Variants in DOCK8 observed in about 807,000 individuals in gnomAD.
The protein encoded by DOCK8 is dedicator of cytokinesis protein 8.
DOCK8 carries 141 observed loss-of-function variants against 245.6 expected under a neutral mutation model. The ratio of observed to expected loss-of-function variants is 0.57; its 90% confidence interval spans 0.50 to 0.66. The LOEUF is 0.66. DOCK8 is among the 30% of genes least tolerant of loss of function. The pLI, the probability that DOCK8 is intolerant of heterozygous loss-of-function variation, is 0.00. For synonymous variants in DOCK8, 1,168 were observed against 970.2 expected, an observed-to-expected ratio of 1.20 and a Z score of -3.79; for missense variants, 2,965 against 2,603.4, an observed-to-expected ratio of 1.14 and a Z score of -3.02.
chr9:415,018 G>T, intron 29 of DOCK8, 67 bp downstream of exon 29: 1 of 1,580,504 alleles, frequency 6.3e-7, no homozygotes, highest in Non-Finnish European at 8.7e-7. Context: ...ATCCGAATGA[G>T]ATCTCTGTCA....
At chr9:451,971 ATATATATTTT>A (rs1207999132) in intron 45 of DOCK8, 30 bp from the exon 46 acceptor site, 12 of 401,352 alleles carry the variant, frequency 3.0e-5, no homozygotes, top group East Asian at 1.3e-4. Flanking sequence ...ATATATATAT[ATATATATTTT>A]TTTTTTTTTT....
intron 1 of DOCK8, among the ~76,000 whole-genome samples, chr9:236,168 C>T (rs992889862): frequency 3.9e-5 from 6 of 152,172 alleles, no homozygotes; most frequent in Non-Finnish European, 8.8e-5. Context: ...GTCCCACCAA[C>T]CTTAGTGTGT....
chr9:349,771 A>G (rs2052069427), intron 14 of DOCK8, among the ~76,000 whole-genome samples: 1 of 152,190 alleles, frequency 6.6e-6, no homozygotes, highest in Admixed American at 6.5e-5. Flanking sequence ...TAATGTCCTT[A>G]AAGGTAATAT....
chr9:283,629 A>G (rs531373299), intron 2 of DOCK8, among the ~76,000 whole-genome samples: 4 of 152,272 alleles, frequency 2.6e-5, no homozygotes, highest in South Asian at 4.1e-4. Flanking sequence ...CCACTTCTAA[A>G]TGAAAACATG....
chr9:280,019 T>G (rs547491687), intron 2 of DOCK8, among the ~76,000 whole-genome samples: 1 of 152,358 alleles, frequency 6.6e-6, no homozygotes, highest in South Asian at 2.1e-4. Flanking sequence ...CTATGTAGAT[T>G]AATTTTCAAC....
intron 26 of DOCK8, among the ~76,000 whole-genome samples, chr9:400,619 A>C (rs1480066320): frequency 5.3e-5 from 3 of 56,104 alleles, no homozygotes; most frequent in Non-Finnish European, 5.6e-5. Flanking sequence ...CACCACCTCC[A>C]CCACCATCAC....
chr9:288,740 C>T (rs1040065992), intron 3 of DOCK8, among the ~76,000 whole-genome samples: 20 of 152,062 alleles, frequency 1.3e-4, no homozygotes, highest in Non-Finnish European at 1.5e-4. Context: ...TAGCTATAAG[C>T]GATGAAGCTG....
chr9:370,132 A>G, intron 15 of DOCK8, 98 bp from the exon 16 acceptor site: 1 of 1,038,364 alleles, frequency 9.6e-7, no homozygotes, highest in Middle Eastern at 2.0e-4. Flanking sequence ...TACAAAATGC[A>G]GCTCTATGAG....
At chr9:400,986 C>G (rs1206715799) in intron 26 of DOCK8, among the ~76,000 whole-genome samples, 56 of 118,110 alleles carry the variant, frequency 4.7e-4, no homozygotes, top group Non-Finnish European at 7.9e-4. Context: ...ATCACCACCT[C>G]CTCCACCACC....
intron 30 of DOCK8, among the ~76,000 whole-genome samples, chr9:419,758 T>C (rs1464073228): frequency 6.6e-6 from 1 of 152,188 alleles, no homozygotes; most frequent in African/African-American, 2.4e-5. Flanking sequence ...CACTTTAAAA[T>C]GAATACTTGT....
At chr9:229,829 C>A (rs1016668793) in intron 1 of DOCK8, among the ~76,000 whole-genome samples, 17 of 151,990 alleles carry the variant, frequency 1.1e-4, no homozygotes, top group Non-Finnish European at 1.8e-4. Flanking sequence ...AACAGCCAAC[C>A]AAACCATCCA....
chr9:409,399 T>A (rs1442394753), intron 28 of DOCK8, among the ~76,000 whole-genome samples: 1 of 152,196 alleles, frequency 6.6e-6, no homozygotes, highest in Admixed American at 6.5e-5. Context: ...GACCACAGAC[T>A]AAGAACAAGA....
chr9:457,789 C>T (rs987274568), intron 46 of DOCK8, among the ~76,000 whole-genome samples: 1 of 152,350 alleles, frequency 6.6e-6, no homozygotes, highest in African/African-American at 2.4e-5. Context: ...GGCATAATAA[C>T]GCTACCATGT....
intron 1 of DOCK8, among the ~76,000 whole-genome samples, chr9:227,328 A>G (rs559696454): frequency 1.3e-4 from 20 of 152,306 alleles, no homozygotes; most frequent in Non-Finnish European, 2.8e-4. Flanking sequence ...GTTTAAGACG[A>G]TGTAGTAGAC....
intron 46 of DOCK8, among the ~76,000 whole-genome samples, chr9:453,944 A>AT (rs1436891794): frequency 6.6e-5 from 10 of 152,234 alleles, no homozygotes; most frequent in Non-Finnish European, 7.3e-5. Flanking sequence ...CAGGCATGAT[A>AT]TTAGTTATGG....
intron 1 of DOCK8, among the ~76,000 whole-genome samples, chr9:222,702 A>G (rs1191565844): frequency 6.6e-6 from 1 of 152,200 alleles, no homozygotes; most frequent in Non-Finnish European, 1.5e-5. Flanking sequence ...ATGCAACCAT[A>G]AATGGTGAGA....
chr9:397,782 C>T (rs2054534638), intron 25 of DOCK8, among the ~76,000 whole-genome samples: 1 of 152,118 alleles, frequency 6.6e-6, no homozygotes, highest in Admixed American at 6.5e-5. Context: ...ATTTGCAACC[C>T]ATTCTCAAAT....
intron 24 of DOCK8, among the ~76,000 whole-genome samples, chr9:394,849 A>C (rs895285277): frequency 6.6e-6 from 1 of 152,208 alleles, no homozygotes; most frequent in Non-Finnish European, 1.5e-5. Context: ...GATCTGGAGG[A>C]CACAGTAGCT....
In DOCK8 at chr9:336,698, G is replaced by T. The variant is rs750286236; in HGVS notation, c.1402G>T (p.Val468Phe). ...GSNFKTSTLS[V>F]SSFFKQEGDR... ...CAACTTCAAAACCTCCACTCTGAGC[G>T]TTAGCAGCTTTTTCAAGCAGGTATC... is the stretch of plus-strand genomic sequence containing the variant. Residue 468 changes from valine to phenylalanine, a missense_variant, in exon 12 of 48, where the codon GTT becomes TTT. Coordinates refer to ENST00000432829, the MANE Select transcript of DOCK8 (RefSeq NM_203447.4). 9 of 1,614,022 alleles carry T rather than the reference G, an allele frequency of 5.6e-6. No homozygotes were observed. Among genetic ancestry groups the T allele is most frequent in the Non-Finnish European group, 7.6e-6 (9 of 1,179,964 alleles).
Sources: allele counts gnomAD v4.1 joint callset (sites outside exome capture counted in the v4.1 genomes callset), GRCh38; gene constraint gnomAD v4.1.1; transcripts MANE v1.5; gene names NCBI Gene and HGNC (gene_info 2026-07-23, HGNC 2026-07-21).